The following MIPOL1 variants were observed in gnomAD, a reference collection of about 807,000 sequenced individuals.
MIPOL1 encodes mirror-image polydactyly gene 1 protein.
In MIPOL1, 57 loss-of-function variants were observed where a neutral mutation model predicts 60.9. That is an observed-to-expected ratio of 0.94 (90% CI 0.76 to 1.17). MIPOL1 has a LOEUF of 1.17. Among genes scored for constraint, MIPOL1 ranks in the 50% most tolerant of loss-of-function variants. The pLI, the probability that MIPOL1 is intolerant of heterozygous loss-of-function variation, is 0.00. For synonymous variants in MIPOL1, 179 were observed against 168.8 expected, an observed-to-expected ratio of 1.06 and a Z score of -0.47; for missense variants, 551 against 511.6, an observed-to-expected ratio of 1.08 and a Z score of -0.74.
intron 6 of MIPOL1, among the ~76,000 whole-genome samples, chr14:37,280,467 CCACACCAA>C (rs1244523948): frequency 6.6e-6 from 1 of 152,158 alleles, no homozygotes; most frequent in African/African-American, 2.4e-5. Context: ...TTCTCCACAT[CCACACCAA>C]CACTTGTTAT....
chr14:37,406,386 C>CATCCT (rs1566540504), intron 10 of MIPOL1, among the ~76,000 whole-genome samples: 1 of 152,034 alleles, frequency 6.6e-6, no homozygotes, highest in Non-Finnish European at 1.5e-5. Context: ...AAAACATACA[C>CATCCT]GATCCTGAAC....
At chr14:37,233,293 G>T (rs1262754451) in intron 1 of MIPOL1, among the ~76,000 whole-genome samples, 2 of 151,976 alleles carry the variant, frequency 1.3e-5, no homozygotes, top group African/African-American at 4.8e-5. Context: ...ATATAAATTG[G>T]CCCCAAGAAG....
intron 7 of MIPOL1, among the ~76,000 whole-genome samples, chr14:37,298,996 C>G (rs2086081242): frequency 6.6e-6 from 1 of 151,594 alleles, no homozygotes; most frequent in Non-Finnish European, 1.5e-5. Flanking sequence ...GACACATGCA[C>G]ACGTATGTTT....
chr14:37,369,322 A>T (rs1484365274), intron 9 of MIPOL1, among the ~76,000 whole-genome samples, 195 bp from the exon 10 acceptor site: 2 of 152,102 alleles, frequency 1.3e-5, no homozygotes, highest in Non-Finnish European at 1.5e-5. Context: ...TGAAAATTAT[A>T]ATTGAATTTT....
chr14:37,304,458 T>G (rs2086617766), intron 7 of MIPOL1, among the ~76,000 whole-genome samples: 2 of 151,814 alleles, frequency 1.3e-5, no homozygotes, highest in African/African-American at 4.8e-5. Flanking sequence ...CATGATACCT[T>G]TTTTTCAGTC....
chr14:37,409,493 A>C (rs1036988343), intron 10 of MIPOL1, among the ~76,000 whole-genome samples: 2 of 152,156 alleles, frequency 1.3e-5, no homozygotes, highest in Admixed American at 1.3e-4. Flanking sequence ...ACACAGCCAA[A>C]AAAATAATTT....
At chr14:37,494,682 T>C (rs1594712489) in intron 11 of MIPOL1, among the ~76,000 whole-genome samples, 1 of 152,178 alleles carries the variant, frequency 6.6e-6, no homozygotes, top group Non-Finnish European at 1.5e-5. Context: ...TCCATTTGTA[T>C]CAGTAAAAAA....
chr14:37,338,250 G>A (rs953566418), intron 9 of MIPOL1, among the ~76,000 whole-genome samples: 3 of 151,702 alleles, frequency 2.0e-5, no homozygotes, highest in Admixed American at 6.6e-5. Flanking sequence ...GGGACTACAG[G>A]CACCTGCCAC....
At chr14:37,484,623 A>G (rs941540783) in intron 11 of MIPOL1, among the ~76,000 whole-genome samples, 5 of 152,080 alleles carry the variant, frequency 3.3e-5, no homozygotes, top group Non-Finnish European at 7.4e-5. Context: ...GTCGTGGGCC[A>G]CCACACCCAG....
chr14:37,490,741 A>G (rs963247623), intron 11 of MIPOL1, among the ~76,000 whole-genome samples: 1 of 152,100 alleles, frequency 6.6e-6, no homozygotes, highest in African/African-American at 2.4e-5. Context: ...AGATGAGGCA[A>G]CATCCCACCC....
At chr14:37,240,924 G>A (rs1296553098) in intron 1 of MIPOL1, among the ~76,000 whole-genome samples, 2 of 139,390 alleles carry the variant, frequency 1.4e-5, no homozygotes, top group East Asian at 4.2e-4. Context: ...CTACCAGTAG[G>A]TGACACACAC....
intron 11 of MIPOL1, among the ~76,000 whole-genome samples, chr14:37,446,312 C>G (rs1348298266): frequency 3.3e-5 from 5 of 152,222 alleles, no homozygotes; most frequent in African/African-American, 1.2e-4. Flanking sequence ...AGCCAAAAAA[C>G]ACATGAAAAA....
At chr14:37,523,562 C>G (rs1038412000) in intron 12 of MIPOL1, 10 of 417,786 alleles carry the variant, frequency 2.4e-5, no homozygotes, top group African/African-American at 1.8e-4. Flanking sequence ...GTTGCACATT[C>G]AAAACAGGTC....
intron 9 of MIPOL1, among the ~76,000 whole-genome samples, chr14:37,319,733 C>A (rs1446693243): frequency 6.6e-6 from 1 of 152,092 alleles, no homozygotes; most frequent in Non-Finnish European, 1.5e-5. Context: ...TGTGTGTTCC[C>A]TTGAAAGCAG....
intron 9 of MIPOL1, among the ~76,000 whole-genome samples, chr14:37,312,612 A>C (rs2087446084): frequency 6.6e-6 from 1 of 152,166 alleles, no homozygotes; most frequent in Non-Finnish European, 1.5e-5. Flanking sequence ...ACCTAGTTAA[A>C]AATGTTATCT....
rs1158701061 is a variant in MIPOL1 at position 37,355,908 on chromosome 14, G to A, written c.829-13609G>A. Among the ~76,000 whole-genome samples, 8 of 147,506 alleles carry A rather than the reference G, an allele frequency of 5.4e-5. No homozygotes were observed. In the East Asian group the frequency reaches 8.0e-4, roughly 15 times the overall value. ...GTCTGAAGCCTTCTTCTCTCAGCTC[G>A]TCAAAGTCATTCTCCATCCAGCTTT... On this transcript the variant is annotated intron_variant, in intron 9 of 12. Coordinates refer to ENST00000684589, the MANE Select transcript of MIPOL1 (RefSeq NM_001388067.1).
intron 10 of MIPOL1, among the ~76,000 whole-genome samples, chr14:37,410,544 T>A (rs992274884): frequency 2.6e-5 from 4 of 152,092 alleles, no homozygotes; most frequent in African/African-American, 9.7e-5. Flanking sequence ...CATGGTTCTA[T>A]AAGGAACCTC....
At chr14:37,246,207 T>C (rs1973175015) in intron 1 of MIPOL1, among the ~76,000 whole-genome samples, 1 of 152,114 alleles carries the variant, frequency 6.6e-6, no homozygotes, top group South Asian at 2.1e-4. Context: ...CGCTTTGCCA[T>C]TAAGAGAACA....
chr14:37,305,032 C>T (rs1270361089), intron 7 of MIPOL1, among the ~76,000 whole-genome samples: 2 of 151,726 alleles, frequency 1.3e-5, no homozygotes, highest in African/African-American at 2.4e-5. Flanking sequence ...ATGTGTTGTA[C>T]ATACCACTAG....
Sources: gnomAD v4.1 joint callset for allele counts (sites outside exome capture counted in the v4.1 genomes callset) on GRCh38, gnomAD v4.1.1 for gene constraint, MANE v1.5 for transcripts, NCBI Gene and HGNC (gene_info 2026-07-23, HGNC 2026-07-21) for gene names.